GRM3: variants seen among roughly 807,000 people sequenced by gnomAD.
GRM3 encodes the protein metabotropic glutamate receptor 3.
GRM3 carries 26 observed loss-of-function variants against 70.5 expected under a neutral mutation model. That is an observed-to-expected ratio of 0.37 (90% CI 0.27 to 0.51). The LOEUF is 0.51. GRM3 is among the 20% of genes least tolerant of loss of function. The probability of loss-of-function intolerance (pLI) is 0.93; values close to 1 mark genes in which losing one functional copy is unlikely to be tolerated. For missense variants in GRM3, 859 were observed against 1,123.8 expected (o/e 0.76, Z 3.37); for synonymous variants, 443 against 434.9 (o/e 1.02, Z -0.23).
At chr7:86,673,342 A>G (rs559409334) in intron 1 of GRM3, among the ~76,000 whole-genome samples, 1 of 152,286 alleles carries the variant, frequency 6.6e-6, no homozygotes, top group South Asian at 2.1e-4. Context: ...ACTATCGAGA[A>G]TGATTCCTCT....
At position 86,644,868 on chromosome 7, in the gene GRM3, G is replaced by A. The variant is rs1432671820; in HGVS notation, c.-145G>A. 1.6e-6 allele frequency: 2 copies of A among 1,287,650 alleles called. No homozygotes were observed. The highest frequency in any genetic ancestry group is 3.0e-5 in the African/African-American group (2 of 65,808). The allele number at this position is 1,287,650 out of a possible 1,614,324, so 79.8% of individuals were successfully genotyped here. A position where few individuals can be genotyped will look rare whatever the true frequency, so the allele number is the denominator to read the frequency against. ...CCAGTTCCTGCCAGGAGTTGTCGGT[G>A]CGAGGTAAGGGTCCCAGAGGAGGAC... On this transcript the variant is annotated 5_prime_UTR_variant, in exon 1 of 6. Transcript: ENST00000361669.
At chr7:86,788,528 G>C (rs1249560781) in intron 3 of GRM3, among the ~76,000 whole-genome samples, 1 of 152,074 alleles carries the variant, frequency 6.6e-6, no homozygotes, top group Non-Finnish European at 1.5e-5. Context: ...AACTTTTTCT[G>C]TGCCCTGTAT....
chr7:86,821,768 G>A (rs1798125774), intron 3 of GRM3, among the ~76,000 whole-genome samples: 1 of 152,100 alleles, frequency 6.6e-6, no homozygotes, highest in Admixed American at 6.5e-5. Flanking sequence ...TTATGGTCAA[G>A]CATCACTTGT....
intron 1 of GRM3, among the ~76,000 whole-genome samples, chr7:86,749,903 T>A (rs1398883131): frequency 6.6e-6 from 1 of 152,040 alleles, no homozygotes; most frequent in Non-Finnish European, 1.5e-5. Flanking sequence ...ATCAGATAAT[T>A]CTATTCCACT....
At chr7:86,679,733 T>C (rs1232738442) in intron 1 of GRM3, among the ~76,000 whole-genome samples, 1 of 151,996 alleles carries the variant, frequency 6.6e-6, no homozygotes, top group East Asian at 1.9e-4. Context: ...GTCTTTTCTA[T>C]GGGTCCTTTT....
chr7:86,651,316 C>T (rs907231619), intron 1 of GRM3, among the ~76,000 whole-genome samples: 28 of 152,134 alleles, frequency 1.8e-4, no homozygotes, highest in African/African-American at 4.8e-4. Context: ...TATCACAGAT[C>T]GCCCCTCCAT....
At chr7:86,704,482 T>C (rs1795014191) in intron 1 of GRM3, among the ~76,000 whole-genome samples, 1 of 151,922 alleles carries the variant, frequency 6.6e-6, no homozygotes, top group Admixed American at 6.6e-5. Flanking sequence ...AATATCTTCC[T>C]TTGTAAGTCC....
chr7:86,784,425 C>G (rs1797169929), intron 2 of GRM3: 1 of 152,040 alleles, frequency 6.6e-6, no homozygotes, highest in African/African-American at 2.4e-5. Context: ...GAAGAGATGG[C>G]CTCTCCAGTG....
chr7:86,659,323 A>G (rs1193283063), intron 1 of GRM3, among the ~76,000 whole-genome samples: 5 of 152,198 alleles, frequency 3.3e-5, no homozygotes, highest in Admixed American at 2.6e-4. Context: ...ATGTTTACAT[A>G]TGCCAGGCAC....
Position 86,786,185 on chromosome 7 carries a change from G to C in GRM3, c.469-76G>C, listed in dbSNP as rs2116539258. On this transcript the variant is annotated intron_variant, in intron 2 of 5. Transcript: ENST00000361669. This position sits in a 1 kb window ranked among gnomAD's most constrained non-coding sequence, Gnocchi z 6.0. ...GAAAAGGGAGTCAGTAAAAGGTGTGGATGCTATTATTCATTTTCATGTCCA... is the reference window on the plus strand; with the variant it reads ...GAAAAGGGAGTCAGTAAAAGGTGTGCATGCTATTATTCATTTTCATGTCCA... 1 of 1,245,866 alleles carries C rather than the reference G, an allele frequency of 8.0e-7. No homozygotes were observed. The highest frequency in any genetic ancestry group is 2.1e-5 in the Admixed American group (1 of 48,730). 77.2% of individuals were successfully genotyped at this position (1,245,866 alleles called of 1,614,324 possible). A position where few individuals can be genotyped will look rare whatever the true frequency, so the allele number is the denominator to read the frequency against.
rs1447432497 is a variant in GRM3, at chr7:86,655,861, GGTGT to G, written c.-141+10996_-141+10999del. Reference sequence around the variant, plus strand: ...GTGTGTGTGTGTGTGTGGGTGGGTGGGTGTGTGTGTATGTGTGTTTACTTCTCTC... The same window carrying G: ...GTGTGTGTGTGTGTGTGGGTGGGTGGGTGTGTATGTGTGTTTACTTCTCTC... On this transcript the variant is annotated intron_variant, in intron 1 of 5. Coordinates refer to ENST00000361669, the MANE Select transcript of GRM3 (RefSeq NM_000840.3). Among the ~76,000 whole-genome samples the G allele has an allele frequency of 4.0e-4, 56 of 141,242 alleles. 2 individuals carry two copies. The highest frequency in any genetic ancestry group is 2.6e-4 in the Non-Finnish European group (17 of 65,954). 92.7% of individuals were successfully genotyped at this position (141,242 alleles called of 152,430 possible).
Position 86,739,266 on chromosome 7 carries a change from C to T in GRM3, c.-140-25740C>T, listed in dbSNP as rs150822648. 1.5e-3 allele frequency among the ~76,000 whole-genome samples: 234 copies of T among 152,276 alleles called. 1 individual carries two copies. The highest frequency in any genetic ancestry group is 5.4e-3 in the African/African-American group (224 of 41,568). Reference sequence around the variant, plus strand: ...TGCTGGGACTACAGGCATGAGCCACCGCTCCCAGCCTACAACAGGCCTCTG... The same window carrying T: ...TGCTGGGACTACAGGCATGAGCCACTGCTCCCAGCCTACAACAGGCCTCTG... On this transcript the variant is annotated intron_variant, in intron 1 of 5. Transcript: ENST00000361669.
rs539835795 is a variant in GRM3 at position 86,703,695 on chromosome 7, C to T, written c.-141+58823C>T. On this transcript the variant is annotated intron_variant, in intron 1 of 5. Transcript: ENST00000361669. ...TGCCTTTGACTAAACCAGAGCTCAG[C>T]GAAGTGGAATGATTCATCAAAAAAG... is the stretch of plus-strand genomic sequence containing the variant. Among the ~76,000 whole-genome samples, 13 of 151,906 alleles carry T rather than the reference C, an allele frequency of 8.6e-5. No individual in the cohort carries two copies. The East Asian group carries it at 1.6e-3, about 18-fold the overall frequency.
chr7:86,794,249 A>G (rs1797495276), intron 3 of GRM3, among the ~76,000 whole-genome samples: 1 of 152,164 alleles, frequency 6.6e-6, no homozygotes, highest in African/African-American at 2.4e-5. Flanking sequence ...GTATACCTTT[A>G]TGCTATTACT....
chr7:86,742,213 G>T (rs1047339746), intron 1 of GRM3, among the ~76,000 whole-genome samples: 8 of 152,088 alleles, frequency 5.3e-5, no homozygotes, highest in Non-Finnish European at 8.8e-5. Flanking sequence ...AGGCATTTTG[G>T]TTCCAAAGGT....
At chr7:86,742,773 A>G (rs150274258) in intron 1 of GRM3, among the ~76,000 whole-genome samples, 122 of 152,266 alleles carry the variant, frequency 8.0e-4, no homozygotes, top group African/African-American at 2.6e-3. Context: ...TTTGCAAAGC[A>G]CTTTAGGGAA....
chr7:86,645,192 C>T (rs777154454), intron 1 of GRM3, among the ~76,000 whole-genome samples: 10 of 152,172 alleles, frequency 6.6e-5, no homozygotes, highest in Admixed American at 2.0e-4. Flanking sequence ...AGCCAACCAC[C>T]TCCATCTCAG....
intron 3 of GRM3, among the ~76,000 whole-genome samples, chr7:86,816,518 TC>T (rs1469535610): frequency 6.6e-6 from 1 of 151,886 alleles, no homozygotes; most frequent in Non-Finnish European, 1.5e-5. Context: ...AATGTTTAGC[TC>T]CCACTTGCAA....
intron 1 of GRM3, among the ~76,000 whole-genome samples, chr7:86,716,944 G>C (rs752227042): frequency 2.0e-5 from 3 of 151,860 alleles, no homozygotes; most frequent in African/African-American, 4.8e-5. Context: ...ATAGTACTCT[G>C]GAGTTGGACT....
Sources: allele counts gnomAD v4.1 joint callset (sites outside exome capture counted in the v4.1 genomes callset), GRCh38; gene constraint gnomAD v4.1.1; non-coding constraint Gnocchi (gnomAD v3.1); transcripts MANE v1.5; gene names NCBI Gene and HGNC (gene_info 2026-07-23, HGNC 2026-07-21).